The following ANKRD11 variants were observed in gnomAD, a reference collection of about 807,000 sequenced individuals.
ANKRD11 encodes ankyrin repeat domain 11.
A neutral mutation model predicts 195.7 loss-of-function variants in ANKRD11; 17 were observed. That is an observed-to-expected ratio of 0.09 (90% CI 0.06 to 0.13). The LOEUF (loss-of-function observed/expected upper bound fraction) is 0.13, where lower values mean the gene tolerates loss of function less well. ANKRD11 is among the 10% of genes least tolerant of loss of function. The pLI, the probability that ANKRD11 is intolerant of heterozygous loss-of-function variation, is 1.00. For missense variants in ANKRD11, 3,735 were observed against 3,566.1 expected (o/e 1.05, Z -1.21); for synonymous variants, 1,953 against 1,528.1 (o/e 1.28, Z -6.49).
rs113748746 is a variant in ANKRD11 at position 89,275,638 on chromosome 16, T to C, written c.7471-447A>G. On this transcript the variant is annotated intron_variant, in intron 9 of 12. Transcript: ENST00000301030. ...AGGCTGTAACGTGCACAGTGGAATA[T>C]GAAAGCTGACAACCGAGCCGGTGGT... is the stretch of plus-strand genomic sequence containing the variant. Among the ~76,000 whole-genome samples the C allele has an allele frequency of 3.3e-5, 5 of 152,158 alleles. 1 individual carries two copies. Among genetic ancestry groups the C allele is most frequent in the African/African-American group, 1.2e-4 (5 of 41,510 alleles).
chr16:89,316,891 T>C (rs2036991039), intron 3 of ANKRD11, 42 bp downstream of exon 3: 4 of 1,599,146 alleles, frequency 2.5e-6, no homozygotes, highest in Non-Finnish European at 2.6e-6. Context: ...CATCCCCATC[T>C]GGGTGCGGTG....
chr16:89,307,600 A>G (rs577185999), intron 3 of ANKRD11, among the ~76,000 whole-genome samples: 1 of 152,016 alleles, frequency 6.6e-6, no homozygotes, highest in South Asian at 2.1e-4. Context: ...GGGCCTCCGG[A>G]GGGTTAACAC....
intron 1 of ANKRD11, among the ~76,000 whole-genome samples, chr16:89,424,673 T>C (rs145164547): frequency 1.4e-3 from 217 of 152,230 alleles, no homozygotes; most frequent in African/African-American, 4.6e-3. Flanking sequence ...TATGACACTC[T>C]TATGACAAAT....
intron 1 of ANKRD11, among the ~76,000 whole-genome samples, chr16:89,486,867 T>C (rs1372584825): frequency 2.0e-5 from 3 of 151,672 alleles, no homozygotes; most frequent in Admixed American, 1.3e-4. Flanking sequence ...AAATTAGCCG[T>C]GTTTGGTAGG....
chr16:89,480,202 C>T (rs1174948956), intron 1 of ANKRD11, among the ~76,000 whole-genome samples: 1 of 152,026 alleles, frequency 6.6e-6, no homozygotes, highest in South Asian at 2.1e-4. Flanking sequence ...TTAGGCCAGG[C>T]GTGATGGCTG....
At chr16:89,405,397 C>G (rs1050010385) in intron 2 of ANKRD11, among the ~76,000 whole-genome samples, 2 of 151,926 alleles carry the variant, frequency 1.3e-5, no homozygotes, top group South Asian at 4.1e-4. Context: ...GATATGAGCT[C>G]ACCGTAGCCT....
chr16:89,469,561 G>A (rs1172192680), intron 1 of ANKRD11, among the ~76,000 whole-genome samples: 1 of 151,964 alleles, frequency 6.6e-6, no homozygotes. Context: ...CCGTACTGGA[G>A]ATTCTAGTCC....
intron 2 of ANKRD11, among the ~76,000 whole-genome samples, chr16:89,327,123 G>A (rs2037779365): frequency 6.6e-6 from 1 of 152,152 alleles, no homozygotes; most frequent in African/African-American, 2.4e-5. Context: ...GAAATGCAGA[G>A]GGCACCTACA....
intron 2 of ANKRD11, among the ~76,000 whole-genome samples, chr16:89,333,017 C>T (rs1207647059): frequency 6.6e-6 from 1 of 152,192 alleles, no homozygotes; most frequent in Non-Finnish European, 1.5e-5. Context: ...GAATTTCACA[C>T]GTGGTCCCCC....
intron 11 of ANKRD11, among the ~76,000 whole-genome samples, chr16:89,274,169 G>A (rs1408311289): frequency 2.0e-5 from 3 of 152,232 alleles, no homozygotes; most frequent in Non-Finnish European, 4.4e-5. Flanking sequence ...CTGCCCCAGG[G>A]AGAGCCACGG....
chr16:89,452,709 G>C (rs2044135606), intron 1 of ANKRD11, among the ~76,000 whole-genome samples: 1 of 150,440 alleles, frequency 6.6e-6, no homozygotes, highest in African/African-American at 2.5e-5. Flanking sequence ...AGACCTGGGA[G>C]GCAGAGGTTG....
At chr16:89,294,120 C>T (rs1045374353) in intron 4 of ANKRD11, among the ~76,000 whole-genome samples, 4 of 152,184 alleles carry the variant, frequency 2.6e-5, no homozygotes, top group African/African-American at 4.8e-5. Context: ...ACATCCCTCC[C>T]GCTCCCCACC....
chr16:89,281,483 C>G lies in ANKRD11; in HGVS notation c.5059G>C (p.Glu1687Gln). The change falls in exon 9 of 13, where the codon GAG becomes CAG. Residue 1687 changes from glutamate to glutamine, a missense_variant. Coordinates refer to ENST00000301030, the MANE Select transcript of ANKRD11 (RefSeq NM_013275.6). The surrounding 1 kb of genome is among the most constrained non-coding windows in gnomAD (Gnocchi z 5.5). ...GGCCTGGGGGACGCAGGCAGGACCT[C>G]TTTCATGTGAGGGCCTGCCAGCCAG... ...KDWLAGPHMK[E>Q]VLPASPRPDQ... The G allele has an allele frequency of 6.2e-7, 1 of 1,614,172 alleles. No homozygotes were observed. The highest frequency in any genetic ancestry group is 8.5e-7 in the Non-Finnish European group (1 of 1,180,010).
intron 2 of ANKRD11, chr16:89,360,458 T>G (rs1222476284): frequency 6.6e-6 from 1 of 152,182 alleles, no homozygotes; most frequent in African/African-American, 2.4e-5. Context: ...CATAGCAAAA[T>G]TCTGAGAAAC....
At chr16:89,483,873 T>A (rs1046915044) in intron 1 of ANKRD11, among the ~76,000 whole-genome samples, 1 of 151,760 alleles carries the variant, frequency 6.6e-6, no homozygotes, top group Non-Finnish European at 1.5e-5. Context: ...TATATTAAGC[T>A]CTAAAGAACT....
At chr16:89,428,432 A>G (rs887637013) in intron 1 of ANKRD11, among the ~76,000 whole-genome samples, 1 of 151,948 alleles carries the variant, frequency 6.6e-6, no homozygotes, top group Non-Finnish European at 1.5e-5. Context: ...AAGCTGAGGC[A>G]GGAAAATGTT....
chr16:89,341,716 C>G (rs951762243), intron 2 of ANKRD11, among the ~76,000 whole-genome samples: 4 of 152,226 alleles, frequency 2.6e-5, no homozygotes, highest in African/African-American at 4.8e-5. Flanking sequence ...AATGATATAC[C>G]TACAAAAGCA....
chr16:89,274,514 G>C (rs1054987912), intron 11 of ANKRD11, among the ~76,000 whole-genome samples: 169 of 152,340 alleles, frequency 1.1e-3, no homozygotes, highest in African/African-American at 3.9e-3. Flanking sequence ...TGAGAGGTAG[G>C]TAGGGGCAGG....
chr16:89,371,080 T>C (rs2040172236), intron 2 of ANKRD11, among the ~76,000 whole-genome samples: 1 of 152,082 alleles, frequency 6.6e-6, no homozygotes, highest in Non-Finnish European at 1.5e-5. Context: ...TGAGAAACGT[T>C]CAACTGCGCG....
Sources: gnomAD v4.1 joint callset for allele counts (sites outside exome capture counted in the v4.1 genomes callset) on GRCh38, gnomAD v4.1.1 for gene constraint, Gnocchi (gnomAD v3.1) non-coding constraint, MANE v1.5 for transcripts, NCBI Gene and HGNC (gene_info 2026-07-23, HGNC 2026-07-21) for gene names.